SYNJ2: variants seen among roughly 807,000 people sequenced by gnomAD.
SYNJ2 encodes polyphosphatidylinositol phosphatase SYNJ2.
In SYNJ2, 116 loss-of-function variants were observed where a neutral mutation model predicts 141.3. That is an observed-to-expected ratio of 0.82 (90% confidence interval 0.71 to 0.96). The LOEUF (loss-of-function observed/expected upper bound fraction) is 0.96, where lower values mean the gene tolerates loss of function less well. Ranked by LOEUF, SYNJ2 falls within the 40% of genes least tolerant of loss-of-function variation. SYNJ2 has a pLI of 0.00. For synonymous variants in SYNJ2, 745 were observed against 777.7 expected (o/e 0.96, Z 0.70); for missense variants, 1,873 against 1,934.8 (o/e 0.97, Z 0.60).
At chr6:158,073,257 A>T (rs1219291181) in intron 15 of SYNJ2, among the ~76,000 whole-genome samples, 1 of 152,044 alleles carries the variant, frequency 6.6e-6, no homozygotes, top group Non-Finnish European at 1.5e-5. Context: ...GAGTGCAGTG[A>T]CATGATCTTG....
At chr6:158,022,396 G>A (rs1189173249) in intron 2 of SYNJ2, among the ~76,000 whole-genome samples, 3 of 152,184 alleles carry the variant, frequency 2.0e-5, no homozygotes, top group Non-Finnish European at 2.9e-5. Context: ...TGCAAGCCAC[G>A]TATCATGACT....
At chr6:157,995,043 G>C (rs1186096225) in intron 1 of SYNJ2, among the ~76,000 whole-genome samples, 1 of 152,188 alleles carries the variant, frequency 6.6e-6, no homozygotes, top group African/African-American at 2.4e-5. Context: ...GCTAAAACTG[G>C]CAAAGGCCTT....
At chr6:158,083,390 A>AT in intron 20 of SYNJ2, 39 bp from the exon 21 acceptor site, 1 of 1,603,812 alleles carries the variant, frequency 6.2e-7, no homozygotes, top group African/African-American at 1.3e-5. Flanking sequence ...AGGGGTCATG[A>AT]TTTTTATTTA....
chr6:158,067,805 T>G (rs1239556498), intron 12 of SYNJ2: 2 of 985,156 alleles, frequency 2.0e-6, no homozygotes, highest in Non-Finnish European at 2.4e-6. Context: ...GCTCTCTGTG[T>G]CGGTGGTAGC....
rs115785109 is a variant in SYNJ2, at chr6:158,038,393, G to A, written c.711+4713G>A. ...TGCAGCCGCTGCGGATGCTGCCCCC[G>A]CCCCACCTAGAGAGCATAACTTAAC... On this transcript the variant is annotated intron_variant, in intron 4 of 26. Coordinates refer to ENST00000355585, the MANE Select transcript of SYNJ2 (RefSeq NM_003898.4). Among the ~76,000 whole-genome samples, 1,274 of 152,262 alleles carry A rather than the reference G, an allele frequency of 8.4e-3. 18 individuals carry two copies. The highest frequency in any genetic ancestry group is 0.029 in the African/African-American group (1,206 of 41,548).
At position 158,086,978 on chromosome 6, in the gene SYNJ2, C is replaced by T; in HGVS notation, c.3332C>T (p.Pro1111Leu). Residue 1111 changes from proline to leucine, a missense_variant, in exon 23 of 27, where the codon CCC becomes CTC. Coordinates refer to ENST00000355585, the MANE Select transcript of SYNJ2 (RefSeq NM_003898.4). ...RPRPPQPPQR[P>L]PPPTGLMVKK... ...CGGCCACCTCAACCCCCGCAGAGAC[C>T]CCCCCCTCCAAGTAAGACTCTGCTT... 9.4e-7 allele frequency: 1 copy of T among 1,063,374 alleles called. No individual in the cohort carries two copies. Among genetic ancestry groups the T allele is most frequent in the Non-Finnish European group, 1.3e-6 (1 of 746,688 alleles). 65.9% of individuals were successfully genotyped at this position (1,063,374 alleles called of 1,614,324 possible). A position where few individuals can be genotyped will look rare whatever the true frequency, so the allele number is the denominator to read the frequency against.
At chr6:158,021,148 A>T (rs1778748100) in intron 2 of SYNJ2, among the ~76,000 whole-genome samples, 1 of 152,148 alleles carries the variant, frequency 6.6e-6, no homozygotes, top group South Asian at 2.1e-4. Flanking sequence ...CTCAAGGCCT[A>T]CCTGTTTTAT....
Position 158,066,579 on chromosome 6 carries a change from A to C in SYNJ2, c.1661A>C (p.Glu554Ala). 3 of 1,614,120 alleles carry C rather than the reference A, an allele frequency of 1.9e-6. No individual in the cohort carries two copies. The highest frequency in any genetic ancestry group is 2.5e-6 in the Non-Finnish European group (3 of 1,180,040). ...CGGAGCAACGTGCTCAGGACGGCGG[A>C]GCTGACAGACTGGCTGCTCGACTCG... ...QFRSNVLRTA[E>A]LTDWLLDSPQ... is the part of the protein sequence containing the mutation. The change falls in exon 12 of 27, where the codon GAG (glutamate) becomes GCG (alanine). Residue 554 changes from glutamate to alanine, a missense_variant. Coordinates refer to ENST00000355585, the MANE Select transcript of SYNJ2 (RefSeq NM_003898.4).
At chr6:158,021,708 A>C (rs1778780377) in intron 2 of SYNJ2, among the ~76,000 whole-genome samples, 1 of 152,348 alleles carries the variant, frequency 6.6e-6, no homozygotes, top group African/African-American at 2.4e-5. Context: ...CAGTCACTTC[A>C]GAAGGAGGAT....
intron 2 of SYNJ2, chr6:158,017,670 C>G: frequency 2.1e-6 from 1 of 477,358 alleles, no homozygotes; most frequent in Admixed American, 2.3e-5. Context: ...CTGCCTCAGC[C>G]TCCCAAAGTG....
At chr6:158,076,924 AC>A in intron 17 of SYNJ2, 142 bp downstream of exon 17, 1 of 1,034,918 alleles carries the variant, frequency 9.7e-7, no homozygotes. Flanking sequence ...GTCATCCCAG[AC>A]CTTAACCCCT....
At chr6:158,094,955 C>T (rs899882246) in intron 26 of SYNJ2, among the ~76,000 whole-genome samples, 5 of 152,170 alleles carry the variant, frequency 3.3e-5, no homozygotes, top group African/African-American at 1.2e-4. Context: ...CAAGACCAGC[C>T]TGACCAACAT....
At chr6:157,996,093 C>T (rs886399657) in intron 1 of SYNJ2, among the ~76,000 whole-genome samples, 11 of 152,188 alleles carry the variant, frequency 7.2e-5, no homozygotes, top group Admixed American at 6.5e-4. Flanking sequence ...TAAAATGTAA[C>T]AGGCTGATTT....
At chr6:158,034,466 G>A (rs756125201) in intron 4 of SYNJ2, among the ~76,000 whole-genome samples, 8 of 152,190 alleles carry the variant, frequency 5.3e-5, no homozygotes, top group Admixed American at 2.0e-4. Flanking sequence ...TGCCTTATGC[G>A]GACTTTGGCC....
At chr6:158,091,039 C>T (rs555993341) in intron 25 of SYNJ2, among the ~76,000 whole-genome samples, 29 of 151,706 alleles carry the variant, frequency 1.9e-4, no homozygotes, top group African/African-American at 4.6e-4. Flanking sequence ...AAAACTAGGC[C>T]GGGCGCGGTG....
At chr6:158,066,670 A>C in intron 12 of SYNJ2, 35 bp downstream of exon 12, 1 of 1,606,672 alleles carries the variant, frequency 6.2e-7, no homozygotes. Context: ...ACAAAATCCA[A>C]TTGCACCTAA....
chr6:158,047,507 G>A (rs1261890138), intron 5 of SYNJ2, among the ~76,000 whole-genome samples: 2 of 151,974 alleles, frequency 1.3e-5, no homozygotes, highest in Non-Finnish European at 2.9e-5. Flanking sequence ...CTGGGCATGG[G>A]GGCTCATGCC....
In SYNJ2 at chr6:158,096,403, A is replaced by G; in HGVS notation, c.*39A>G. 1.3e-6 allele frequency: 2 copies of G among 1,532,462 alleles called. No individual in the cohort carries two copies. The highest frequency in any genetic ancestry group is 1.7e-6 in the Non-Finnish European group (2 of 1,145,914). 94.9% of individuals were successfully genotyped at this position (1,532,462 alleles called of 1,614,324 possible). On this transcript the variant is annotated 3_prime_UTR_variant, in exon 27 of 27. Coordinates refer to ENST00000355585, the MANE Select transcript of SYNJ2 (RefSeq NM_003898.4). ...AAGGCTGCAGTCCTATAGAATGCAT[A>G]CCTTCCTCCCTCTAGACATCCCTCC... is the stretch of plus-strand genomic sequence containing the variant.
chr6:158,021,246 G>A (rs922880110), intron 2 of SYNJ2, among the ~76,000 whole-genome samples: 4 of 152,112 alleles, frequency 2.6e-5, no homozygotes, highest in Non-Finnish European at 4.4e-5. Flanking sequence ...AGCTGTACAC[G>A]ACAGCCCTAT....
Sources: gnomAD v4.1 joint callset for allele counts (sites outside exome capture counted in the v4.1 genomes callset) on GRCh38, gnomAD v4.1.1 for gene constraint, MANE v1.5 for transcripts, NCBI Gene and HGNC (gene_info 2026-07-23, HGNC 2026-07-21) for gene names.